The following GFPT1 variants were observed in gnomAD, a reference collection of about 807,000 sequenced individuals.
GFPT1 encodes the protein glutamine--fructose-6-phosphate aminotransferase [isomerizing] 1.
In GFPT1, 40 loss-of-function variants were observed where a neutral mutation model predicts 92.0. The ratio of observed to expected loss-of-function variants is 0.43; its 90% CI spans 0.34 to 0.57. The LOEUF is 0.57. Among genes scored for constraint, GFPT1 ranks in the 20% least tolerant of loss-of-function variants. GFPT1 has a pLI of 0.02. For synonymous variants in GFPT1, 269 were observed against 280.6 expected (o/e 0.96, Z 0.41); for missense variants, 448 against 869.1 (o/e 0.52, Z 6.09).
chr2:69,371,907 C>A (rs1671758985), intron 2 of GFPT1, among the ~76,000 whole-genome samples: 1 of 149,878 alleles, frequency 6.7e-6, no homozygotes, highest in Non-Finnish European at 1.5e-5. Flanking sequence ...CATATATTAA[C>A]AGAAGGCTGA....
intron 1 of GFPT1, among the ~76,000 whole-genome samples, chr2:69,380,444 G>A (rs1188146888): frequency 6.6e-6 from 1 of 152,132 alleles, no homozygotes; most frequent in Non-Finnish European, 1.5e-5. Context: ...GTGTTTAATT[G>A]GTTCATGTCT....
Position 69,365,299 on chromosome 2 carries a change from G to A in GFPT1, c.224-1629C>T, listed in dbSNP as rs59408154. On this transcript the variant is annotated intron_variant, in intron 3 of 19. Coordinates refer to ENST00000357308, the MANE Select transcript of GFPT1 (RefSeq NM_001244710.2). Reference sequence around the variant, plus strand: ...TTAAGACCAGCCTGGCCAACATGGTGAAACCCTGTCTCTACTGAAAAAATT... The same window carrying A: ...TTAAGACCAGCCTGGCCAACATGGTAAAACCCTGTCTCTACTGAAAAAATT... Among the ~76,000 whole-genome samples the A allele has an allele frequency of 0.012, 1,771 of 152,034 alleles. 120 individuals are homozygous for A. In the East Asian group the frequency reaches 0.19, roughly 16 times the overall value.
chr2:69,386,055 T>G (rs1282808841), intron 1 of GFPT1, among the ~76,000 whole-genome samples: 1 of 151,706 alleles, frequency 6.6e-6, no homozygotes, highest in Non-Finnish European at 1.5e-5. Context: ...GTGTACTTTC[T>G]TCCAGGGATA....
chr2:69,371,242 A>AT (rs1383632814), intron 2 of GFPT1: 279 of 137,624 alleles, frequency 2.0e-3, no homozygotes, highest in Middle Eastern at 7.4e-3. Context: ...TGCGTGGCTA[A>AT]TTTTTTTTTT....
In GFPT1 at chr2:69,325,308, G is replaced by A. The variant is rs983785131; in HGVS notation, c.*881C>T. The A allele has an allele frequency of 3.3e-5, 5 of 152,076 alleles. No homozygotes were observed. The highest frequency in any genetic ancestry group is 1.2e-4 in the African/African-American group (5 of 41,416). 9.4% of individuals were successfully genotyped at this position (152,076 alleles called of 1,614,324 possible). A position where few individuals can be genotyped will look rare whatever the true frequency, so the allele number is the denominator to read the frequency against. ...ATTAATTTAATAGCAGCTCTGTGTT[G>A]TGATTTTAAAGAACAAGATAAAATA... On this transcript the variant is annotated 3_prime_UTR_variant, in exon 20 of 20. Transcript: ENST00000357308.
intron 1 of GFPT1, among the ~76,000 whole-genome samples, chr2:69,383,253 G>A (rs1331352383): frequency 6.6e-6 from 1 of 152,182 alleles, no homozygotes; most frequent in Non-Finnish European, 1.5e-5. Context: ...CTTGCTAATT[G>A]TGAATCTCCA....
intron 3 of GFPT1, 144 bp from the exon 4 acceptor site, chr2:69,363,814 G>T: frequency 1.4e-6 from 1 of 706,344 alleles, no homozygotes; most frequent in South Asian, 1.7e-5. Flanking sequence ...ATTCAAAATA[G>T]TGATTAAAAG....
chr2:69,356,980 C>G (rs1331540900), intron 6 of GFPT1, among the ~76,000 whole-genome samples: 2 of 152,164 alleles, frequency 1.3e-5, no homozygotes, highest in African/African-American at 4.8e-5. Flanking sequence ...ATCTGCCCAC[C>G]TCGGCCTCCC....
intron 8 of GFPT1, 71 bp from the exon 9 acceptor site, chr2:69,354,383 G>T: frequency 7.3e-7 from 1 of 1,375,786 alleles, no homozygotes; most frequent in African/African-American, 1.4e-5. Context: ...TTCATGTCTA[G>T]ACAGAACTAT....
rs909643230 is a variant in GFPT1 at position 69,347,421 on chromosome 2, A to G, written c.1009+750T>C. ...AATAATCCAAATCATAATAATTATAATAGTTAACAGAAGCAAATATTACAT... is the reference window on the plus strand; with the variant it reads ...AATAATCCAAATCATAATAATTATAGTAGTTAACAGAAGCAAATATTACAT... On this transcript the variant is annotated intron_variant, in intron 11 of 19. Coordinates refer to ENST00000357308, the MANE Select transcript of GFPT1 (RefSeq NM_001244710.2). 2.3e-4 allele frequency among the ~76,000 whole-genome samples: 35 copies of G among 151,860 alleles called. 1 individual carries two copies. Among genetic ancestry groups the G allele is most frequent in the Admixed American group, 1.9e-3 (29 of 15,242 alleles).
chr2:69,371,816 G>A (rs926573254), intron 2 of GFPT1, among the ~76,000 whole-genome samples: 4 of 150,930 alleles, frequency 2.7e-5, no homozygotes, highest in African/African-American at 7.3e-5. Context: ...CAGGCTGGGC[G>A]ACAGAGCAAG....
chr2:69,336,635 TAA>T (rs60462236), intron 15 of GFPT1, among the ~76,000 whole-genome samples: 34 of 140,286 alleles, frequency 2.4e-4, no homozygotes, highest in South Asian at 4.6e-4. Context: ...GACCCCATCT[TAA>T]AAAAAAAAAA....
At chr2:69,359,908 AT>A (rs886501871) in intron 4 of GFPT1, among the ~76,000 whole-genome samples, 4 of 152,242 alleles carry the variant, frequency 2.6e-5, no homozygotes, top group Non-Finnish European at 5.9e-5. Flanking sequence ...TTAAAATATC[AT>A]TCCAAGAGAA....
chr2:69,381,530 G>A lies in GFPT1; in HGVS notation c.7+5535C>T, dbSNP rs538020300. 6.6e-4 allele frequency among the ~76,000 whole-genome samples: 99 copies of A among 150,928 alleles called. 1 individual carries two copies. In the Middle Eastern group the frequency reaches 0.011, roughly 16 times the overall value. On this transcript the variant is annotated intron_variant, in intron 1 of 19. Transcript: ENST00000357308. ...AGACATATTACACATACTACTCTCT[G>A]AAGCTAGCCTCTCCCCTACTTGTAA...
chr2:69,336,487 C>A (rs1164697695), intron 15 of GFPT1, among the ~76,000 whole-genome samples: 1 of 152,016 alleles, frequency 6.6e-6, no homozygotes, highest in Admixed American at 6.5e-5. Flanking sequence ...CTTTCACAAT[C>A]CTTTAATTAA....
At chr2:69,373,561 G>C (rs1409866063) in intron 2 of GFPT1, among the ~76,000 whole-genome samples, 9 of 152,120 alleles carry the variant, frequency 5.9e-5, no homozygotes, top group Admixed American at 5.9e-4. Flanking sequence ...CGAGACTGTA[G>C]TGAGCTATGA....
At chr2:69,372,198 CAAAAAAAAA>C (rs534920006) in intron 2 of GFPT1, among the ~76,000 whole-genome samples, 2 of 52,736 alleles carry the variant, frequency 3.8e-5, no homozygotes, top group African/African-American at 1.3e-4. Flanking sequence ...GACTCCATCT[CAAAAAAAAA>C]AAAAAAAAAA....
At chr2:69,365,957 C>G (rs555910894) in intron 3 of GFPT1, among the ~76,000 whole-genome samples, 2 of 152,174 alleles carry the variant, frequency 1.3e-5, no homozygotes, top group South Asian at 4.2e-4. Flanking sequence ...GGATTACAGG[C>G]ACGCACCACC....
chr2:69,350,036 A>G (rs1283984602), intron 10 of GFPT1, 42 bp downstream of exon 10: 1 of 1,285,260 alleles, frequency 7.8e-7, no homozygotes, highest in Non-Finnish European at 1.1e-6. Context: ...CAGAATGAGA[A>G]GTTTTACTAA....
Sources: allele counts gnomAD v4.1 joint callset (sites outside exome capture counted in the v4.1 genomes callset), GRCh38; gene constraint gnomAD v4.1.1; transcripts MANE v1.5; gene names NCBI Gene and HGNC (gene_info 2026-07-23, HGNC 2026-07-21).